GPC5: variants seen among roughly 807,000 people sequenced by gnomAD.
GPC5 encodes the protein glypican 5, also known as glypican-5.
Under a neutral mutation model 53.9 loss-of-function variants are expected in GPC5, and 47 were observed. That is an observed-to-expected ratio of 0.87 (90% confidence interval 0.69 to 1.11). The LOEUF is 1.11. Among genes scored for constraint, GPC5 ranks in the 50% most tolerant of loss-of-function variants. The probability of loss-of-function intolerance (pLI) is 0.00; values close to 1 mark genes in which losing one functional copy is unlikely to be tolerated. For synonymous variants in GPC5, 286 were observed against 263.3 expected (o/e 1.09, Z -0.84); for missense variants, 748 against 713.1 (o/e 1.05, Z -0.56).
rs1448271843 is a variant in GPC5, at chr13:91,851,603, A to T, written c.1281-56334A>T. Among the ~76,000 whole-genome samples, 7 of 145,592 alleles carry T rather than the reference A, an allele frequency of 4.8e-5. No individual in the cohort carries two copies. In the East Asian group the frequency reaches 1.5e-3, roughly 31 times the overall value. On this transcript the variant is annotated intron_variant, in intron 5 of 7. Transcript: ENST00000377067. ...CCATGCTGGTGCGCTGCACCCACTA[A>T]CTCGTCATCTAGCATTAGGTATATC...
At chr13:91,986,768 T>A (rs1359778475) in intron 6 of GPC5, among the ~76,000 whole-genome samples, 1 of 152,260 alleles carries the variant, frequency 6.6e-6, no homozygotes, top group Non-Finnish European at 1.5e-5. Flanking sequence ...TCTTTTTATA[T>A]TCTCTATGAA....
chr13:91,461,673 A>G (rs1482475784), intron 2 of GPC5, among the ~76,000 whole-genome samples: 2 of 152,048 alleles, frequency 1.3e-5, no homozygotes, highest in African/African-American at 2.4e-5. Context: ...TATGGAGGAT[A>G]TTTTTTCCTC....
rs80321096 is a variant in GPC5 at position 91,413,281 on chromosome 13, A to G, written c.163+14072A>G. Among the ~76,000 whole-genome samples the G allele has an allele frequency of 2.6e-3, 391 of 152,306 alleles. 3 individuals are homozygous for G. Among genetic ancestry groups the G allele is most frequent in the African/African-American group, 9.1e-3 (379 of 41,568 alleles). On this transcript the variant is annotated intron_variant, in intron 1 of 7. Coordinates refer to ENST00000377067, the MANE Select transcript of GPC5 (RefSeq NM_004466.6). Reference sequence around the variant, plus strand: ...GGGTGACAGAGAGTCTGTCTTAAACAAAACAACGAAAAACCAAAATGAACA... The same window carrying G: ...GGGTGACAGAGAGTCTGTCTTAAACGAAACAACGAAAAACCAAAATGAACA...
chr13:92,173,777 A>T (rs891560823), intron 7 of GPC5, among the ~76,000 whole-genome samples: 1 of 152,200 alleles, frequency 6.6e-6, no homozygotes, highest in African/African-American at 2.4e-5. Context: ...TATTATTATG[A>T]GCCAACAAAT....
intron 5 of GPC5, among the ~76,000 whole-genome samples, chr13:91,825,799 A>T (rs893435265): frequency 6.6e-6 from 1 of 152,098 alleles, no homozygotes; most frequent in Non-Finnish European, 1.5e-5. Flanking sequence ...CAAGACAGTC[A>T]TGAAAATGAA....
intron 7 of GPC5, among the ~76,000 whole-genome samples, chr13:92,494,834 A>G (rs1391879401): frequency 1.3e-5 from 2 of 152,132 alleles, no homozygotes; most frequent in East Asian, 1.9e-4. Flanking sequence ...CTCTTTTCCT[A>G]CATGTTTTAT....
intron 7 of GPC5, among the ~76,000 whole-genome samples, chr13:92,213,232 A>T (rs187481731): frequency 4.0e-4 from 61 of 152,274 alleles, no homozygotes; most frequent in African/African-American, 1.4e-3. Context: ...TAAATTGTAC[A>T]TTTTCAATGT....
At chr13:92,599,667 T>C (rs1259340413) in intron 7 of GPC5, among the ~76,000 whole-genome samples, 2 of 152,186 alleles carry the variant, frequency 1.3e-5, no homozygotes, top group Non-Finnish European at 2.9e-5. Flanking sequence ...AGGATGACTC[T>C]GGCTTCCTTG....
At chr13:91,616,104 A>G (rs79017360) in intron 2 of GPC5, among the ~76,000 whole-genome samples, 13,005 of 152,200 alleles carry the variant, frequency 0.085, 752 homozygotes, top group Non-Finnish European at 0.13. Context: ...TGGTAAGTGA[A>G]AGAAACTCGT....
chr13:92,226,612 C>CT lies in GPC5; in HGVS notation c.1561+81633dup, dbSNP rs1200645123. Among the ~76,000 whole-genome samples the CT allele has an allele frequency of 1.4e-4, 21 of 148,560 alleles. 1 individual carries two copies. In the South Asian group the frequency reaches 2.4e-3, roughly 17 times the overall value. On this transcript the variant is annotated intron_variant, in intron 7 of 7. Coordinates refer to ENST00000377067, the MANE Select transcript of GPC5 (RefSeq NM_004466.6). ...AGTAGTGACTGAGAAACAAGCAGAA[C>CT]TTTTTTTTTTCTTTTTTTCTTTTTT... is the stretch of plus-strand genomic sequence containing the variant.
At chr13:91,714,845 A>G (rs2036301959) in intron 3 of GPC5, among the ~76,000 whole-genome samples, 1 of 152,096 alleles carries the variant, frequency 6.6e-6, no homozygotes, top group Non-Finnish European at 1.5e-5. Context: ...GAAAGAACTT[A>G]AGGGTCAACC....
chr13:91,886,167 A>G (rs928481988), intron 5 of GPC5, among the ~76,000 whole-genome samples: 1 of 152,192 alleles, frequency 6.6e-6, no homozygotes, highest in East Asian at 1.9e-4. Flanking sequence ...TCATGGCAGA[A>G]GGCAAAGTAG....
At chr13:92,294,849 G>A (rs2043023528) in intron 7 of GPC5, among the ~76,000 whole-genome samples, 1 of 114,378 alleles carries the variant, frequency 8.7e-6, no homozygotes, top group Non-Finnish European at 1.7e-5. Flanking sequence ...TTTTTTCCGA[G>A]ATGGAGTTTC....
intron 7 of GPC5, among the ~76,000 whole-genome samples, chr13:92,743,884 C>T (rs968854927): frequency 6.6e-6 from 1 of 152,072 alleles, no homozygotes; most frequent in African/African-American, 2.4e-5. Context: ...TGCTGGATTA[C>T]GTTTATTGAT....
At chr13:92,856,977 A>T (rs1233865238) in intron 7 of GPC5, among the ~76,000 whole-genome samples, 2 of 151,976 alleles carry the variant, frequency 1.3e-5, no homozygotes, top group African/African-American at 4.8e-5. Context: ...GGGAAAAAAA[A>T]TCAAAATTTA....
At chr13:92,138,183 A>G (rs1291520433) in intron 6 of GPC5, among the ~76,000 whole-genome samples, 1 of 152,196 alleles carries the variant, frequency 6.6e-6, no homozygotes, top group African/African-American at 2.4e-5. Flanking sequence ...AGTATGTGGC[A>G]GGAGTGTGTC....
chr13:92,368,025 C>T (rs966185360), intron 7 of GPC5, among the ~76,000 whole-genome samples: 5 of 152,082 alleles, frequency 3.3e-5, no homozygotes, highest in African/African-American at 1.2e-4. Flanking sequence ...CACTCTGTCA[C>T]CCAGCCTGGA....
intron 6 of GPC5, among the ~76,000 whole-genome samples, chr13:92,143,466 C>T (rs2041845674): frequency 6.6e-6 from 1 of 152,166 alleles, no homozygotes; most frequent in African/African-American, 2.4e-5. Context: ...GTATACACAT[C>T]AGTATATTAA....
At chr13:91,750,129 T>C (rs984288612) in intron 4 of GPC5, among the ~76,000 whole-genome samples, 7 of 152,164 alleles carry the variant, frequency 4.6e-5, no homozygotes, top group African/African-American at 1.4e-4. Context: ...TCATTTCTAA[T>C]GTTGATTCTG....
Sources: allele counts gnomAD v4.1 joint callset (sites outside exome capture counted in the v4.1 genomes callset), GRCh38; gene constraint gnomAD v4.1.1; transcripts MANE v1.5; gene names NCBI Gene and HGNC (gene_info 2026-07-23, HGNC 2026-07-21).